Variants in SLC4A4 observed in about 807,000 individuals in gnomAD.
SLC4A4 encodes solute carrier family 4 member 4, also known as electrogenic sodium bicarbonate cotransporter 1.
A neutral mutation model predicts 111.5 loss-of-function variants in SLC4A4; 27 were observed. The observed-to-expected ratio is 0.24, with a 90% CI of 0.18 to 0.33. The LOEUF is 0.33. SLC4A4 is among the 10% of genes least tolerant of loss of function. The pLI, the probability that SLC4A4 is intolerant of heterozygous loss-of-function variation, is 1.00. For missense variants in SLC4A4, 909 were observed against 1,315.5 expected, an observed-to-expected ratio of 0.69 and a Z score of 4.78; for synonymous variants, 443 against 463.4, an observed-to-expected ratio of 0.96 and a Z score of 0.57.
chr4:71,074,636 G>A (rs78965101), intron 1 of SLC4A4, among the ~76,000 whole-genome samples: 1,846 of 151,572 alleles, frequency 0.012, 36 homozygotes, highest in African/African-American at 0.041. Context: ...AGGAGAAAAA[G>A]GAGAAGAGAA....
chr4:71,519,441 T>C (rs1732723867), intron 16 of SLC4A4, among the ~76,000 whole-genome samples: 1 of 152,186 alleles, frequency 6.6e-6, no homozygotes, highest in African/African-American at 2.4e-5. Context: ...TAAAGAAAGT[T>C]CTCAGCATAG....
chr4:71,110,974 A>ACT (rs886201902), intron 2 of SLC4A4, among the ~76,000 whole-genome samples: 133 of 152,180 alleles, frequency 8.7e-4, no homozygotes, highest in African/African-American at 3.1e-3. Flanking sequence ...GCTATTTTAT[A>ACT]CTCTAATCAT....
intron 2 of SLC4A4, among the ~76,000 whole-genome samples, chr4:71,142,600 T>C (rs1744030691): frequency 6.6e-6 from 1 of 152,154 alleles, no homozygotes; most frequent in Non-Finnish European, 1.5e-5. Context: ...AGTAATGACA[T>C]AGCCGAGGCT....
At position 71,314,911 on chromosome 4, in the gene SLC4A4, A is replaced by T. The variant is rs556552911; in HGVS notation, c.254-24459A>T. 3.9e-4 allele frequency among the ~76,000 whole-genome samples: 59 copies of T among 152,112 alleles called. 1 individual carries two copies. The highest frequency in any genetic ancestry group is 1.2e-3 in the Admixed American group (19 of 15,254). On this transcript the variant is annotated intron_variant, in intron 3 of 25. Coordinates refer to ENST00000264485, the MANE Select transcript of SLC4A4 (RefSeq NM_001098484.3). ...AACAAACCTGATGTTCAGCACATGT[A>T]TCCCAGAACTTAAAGTAAAATAAAA... is the stretch of plus-strand genomic sequence containing the variant.
intron 14 of SLC4A4, among the ~76,000 whole-genome samples, chr4:71,475,834 A>G (rs373149930): frequency 2.2e-4 from 34 of 152,022 alleles, no homozygotes; most frequent in African/African-American, 7.7e-4. Flanking sequence ...GTAATAAGTA[A>G]TCAACTGTTA....
At chr4:71,335,884 A>G (rs1291956640) in intron 3 of SLC4A4, among the ~76,000 whole-genome samples, 3 of 152,104 alleles carry the variant, frequency 2.0e-5, no homozygotes, top group African/African-American at 7.2e-5. Context: ...TTGTATCAGT[A>G]TGTACTCAAT....
chr4:71,083,448 CCTT>C (rs1742050725), intron 1 of SLC4A4, among the ~76,000 whole-genome samples: 4 of 151,838 alleles, frequency 2.6e-5, no homozygotes, highest in Non-Finnish European at 4.4e-5. Context: ...CCAACTCTTG[CCTT>C]ATTACCTCTG....
intron 3 of SLC4A4, among the ~76,000 whole-genome samples, chr4:71,337,010 A>G (rs1728482134): frequency 2.0e-5 from 3 of 152,246 alleles, no homozygotes; most frequent in African/African-American, 7.2e-5. Flanking sequence ...CAACACAGCT[A>G]CACACTTTGC....
intron 11 of SLC4A4, 65 bp from the exon 12 acceptor site, chr4:71,453,430 C>T: frequency 6.9e-7 from 1 of 1,456,930 alleles, no homozygotes; most frequent in Non-Finnish European, 9.6e-7. Context: ...TAATGAGTTA[C>T]CTCTTGATTA....
chr4:71,563,952 T>A lies in SLC4A4; in HGVS notation c.3196+63T>A, dbSNP rs1578196153. The A allele has an allele frequency of 3.9e-6, 4 of 1,038,372 alleles. No homozygotes were observed. The East Asian group carries it at 9.5e-5, about 25-fold the overall frequency. The allele number at this position is 1,038,372 out of a possible 1,614,324, so 64.3% of individuals were successfully genotyped here. A position where few individuals can be genotyped will look rare whatever the true frequency, so the allele number is the denominator to read the frequency against. On this transcript the variant is annotated intron_variant, in intron 24 of 25. Transcript: ENST00000264485. The stretch of plus-strand genomic sequence containing the variant: ...TGATTTGCACTTACAGAGAAAACAC[T>A]TTAGAATGGCCATCTGCATTAACTT...
intron 2 of SLC4A4, among the ~76,000 whole-genome samples, chr4:71,160,780 C>T (rs575452615): frequency 1.9e-4 from 29 of 152,068 alleles, no homozygotes; most frequent in African/African-American, 6.5e-4. Flanking sequence ...TCAAAATACC[C>T]CCACTACCAC....
intron 2 of SLC4A4, among the ~76,000 whole-genome samples, chr4:71,176,855 G>A (rs1182320220): frequency 6.6e-6 from 1 of 152,100 alleles, no homozygotes; most frequent in Non-Finnish European, 1.5e-5. Context: ...CTCAAGAAGA[G>A]CAACTCCAAG....
intron 18 of SLC4A4, among the ~76,000 whole-genome samples, chr4:71,536,226 A>G (rs1057425556): frequency 2.6e-5 from 4 of 151,230 alleles, no homozygotes; most frequent in African/African-American, 7.3e-5. Flanking sequence ...GCTGTAGTCA[A>G]TGGGTCAAAA....
intron 2 of SLC4A4, among the ~76,000 whole-genome samples, chr4:71,096,501 A>T (rs1742558682): frequency 1.3e-5 from 2 of 152,192 alleles, no homozygotes; most frequent in South Asian, 4.1e-4. Flanking sequence ...ACAAAATTTA[A>T]AAAGGTGCCA....
intron 3 of SLC4A4, among the ~76,000 whole-genome samples, chr4:71,317,601 A>T (rs547864424): frequency 6.6e-6 from 1 of 152,156 alleles, no homozygotes; most frequent in East Asian, 1.9e-4. Context: ...AGATTTTAAC[A>T]TGCCTCATTT....
intron 14 of SLC4A4, 128 bp downstream of exon 14, chr4:71,473,098 C>G (rs1489081022): frequency 4.7e-6 from 5 of 1,068,730 alleles, no homozygotes; most frequent in Non-Finnish European, 7.2e-6. Flanking sequence ...CTCTGAAAAA[C>G]TCTGCTACTG....
chr4:71,071,863 A>G (rs1000286155), intron 1 of SLC4A4, among the ~76,000 whole-genome samples: 30 of 152,358 alleles, frequency 2.0e-4, no homozygotes, highest in African/African-American at 4.3e-4. Context: ...CCTTGTGCAT[A>G]TCTTTTTCAT....
At chr4:71,560,058 G>A in intron 22 of SLC4A4, 35 bp from the exon 23 acceptor site, 2 of 1,527,410 alleles carry the variant, frequency 1.3e-6, no homozygotes, top group East Asian at 2.3e-5. Flanking sequence ...CATCTGACAT[G>A]GTTTCTTTCA....
At chr4:71,106,920 T>G (rs186885281) in intron 2 of SLC4A4, among the ~76,000 whole-genome samples, 1,962 of 146,344 alleles carry the variant, frequency 0.013, 52 homozygotes, top group African/African-American at 0.048. Flanking sequence ...ACTTAAAGTA[T>G]AATAAAAATA....
Sources: allele counts gnomAD v4.1 joint callset (sites outside exome capture counted in the v4.1 genomes callset), GRCh38; gene constraint gnomAD v4.1.1; transcripts MANE v1.5; gene names NCBI Gene and HGNC (gene_info 2026-07-23, HGNC 2026-07-21).